The following SLIT3 variants were observed in gnomAD, a reference collection of about 807,000 sequenced individuals.
SLIT3 encodes slit homolog 3 protein.
Under a neutral mutation model 184.0 loss-of-function variants are expected in SLIT3, and 68 were observed. That is an observed-to-expected ratio of 0.37 (90% CI 0.30 to 0.45). The LOEUF is 0.45. Among genes scored for constraint, SLIT3 ranks in the 20% least tolerant of loss-of-function variants. The pLI, the probability that SLIT3 is intolerant of heterozygous loss-of-function variation, is 1.00. For synonymous variants in SLIT3, 831 were observed against 828.6 expected (o/e 1.00, Z -0.05); for missense variants, 1,707 against 2,026.0 (o/e 0.84, Z 3.02).
intron 4 of SLIT3, among the ~76,000 whole-genome samples, chr5:168,931,124 G>C (rs1443645518): frequency 6.6e-6 from 1 of 152,188 alleles, no homozygotes; most frequent in Non-Finnish European, 1.5e-5. Flanking sequence ...TATTGGTATA[G>C]CCCATGATTT....
intron 3 of SLIT3, among the ~76,000 whole-genome samples, chr5:169,240,425 A>G (rs2338504): frequency 0.065 from 9,926 of 151,730 alleles, 401 homozygotes; most frequent in Middle Eastern, 0.12. Flanking sequence ...TTTTAGACAC[A>G]TACAAATACA....
At chr5:168,929,262 T>C (rs1243705305) in intron 4 of SLIT3, among the ~76,000 whole-genome samples, 1 of 152,180 alleles carries the variant, frequency 6.6e-6, no homozygotes, top group Non-Finnish European at 1.5e-5. Flanking sequence ...TAATGTTCCA[T>C]AATAATATTA....
At chr5:169,233,255 C>T (rs1765071305) in intron 3 of SLIT3, among the ~76,000 whole-genome samples, 1 of 152,166 alleles carries the variant, frequency 6.6e-6, no homozygotes, top group South Asian at 2.1e-4. Context: ...GATCTCCAGA[C>T]CTCGTGATCT....
At chr5:169,282,419 C>T (rs1369663365) in intron 1 of SLIT3, among the ~76,000 whole-genome samples, 2 of 152,112 alleles carry the variant, frequency 1.3e-5, no homozygotes, top group Admixed American at 1.3e-4. Context: ...TGGTCCAGGT[C>T]CCTCAGGAAG....
At chr5:168,680,104 G>T (rs533880745) in intron 32 of SLIT3, among the ~76,000 whole-genome samples, 1 of 152,346 alleles carries the variant, frequency 6.6e-6, no homozygotes, top group Admixed American at 6.5e-5. Context: ...TGGAGCTGAG[G>T]TCAGCCACTC....
intron 3 of SLIT3, among the ~76,000 whole-genome samples, chr5:169,201,685 T>C (rs1763907449): frequency 6.6e-6 from 1 of 152,216 alleles, no homozygotes. Context: ...TTGTTCCATA[T>C]GGTATGATAC....
chr5:168,899,636 T>C (rs553324927), intron 4 of SLIT3, among the ~76,000 whole-genome samples: 29 of 152,244 alleles, frequency 1.9e-4, no homozygotes, highest in Non-Finnish European at 3.5e-4. Context: ...CATTGCCATG[T>C]AGGTTCAGAG....
At chr5:169,213,616 A>C (rs1290115929) in intron 3 of SLIT3, among the ~76,000 whole-genome samples, 1 of 151,580 alleles carries the variant, frequency 6.6e-6, no homozygotes, top group Non-Finnish European at 1.5e-5. Context: ...TAAAACTGCA[A>C]CTCCATTCCT....
intron 33 of SLIT3, 112 bp downstream of exon 33, chr5:168,673,065 G>A: frequency 4.0e-6 from 4 of 993,392 alleles, no homozygotes; most frequent in Non-Finnish European, 1.5e-6. Context: ...CAGCTTCGTT[G>A]TCCCTTCCTC....
At chr5:168,938,534 T>C (rs549384507) in intron 4 of SLIT3, among the ~76,000 whole-genome samples, 44 of 152,244 alleles carry the variant, frequency 2.9e-4, no homozygotes, top group Non-Finnish European at 5.4e-4. Flanking sequence ...TACATGGGTA[T>C]TGTGATTTTT....
intron 18 of SLIT3, among the ~76,000 whole-genome samples, chr5:168,752,251 A>T (rs7706177): frequency 0.59 from 89,753 of 151,852 alleles, 27,342 homozygotes; most frequent in African/African-American, 0.74. Flanking sequence ...TCCCACATAT[A>T]TGCTCTGTTG....
At chr5:168,878,840 G>A (rs559392510) in intron 5 of SLIT3, among the ~76,000 whole-genome samples, 53 of 151,586 alleles carry the variant, frequency 3.5e-4, no homozygotes, top group African/African-American at 1.2e-3. Context: ...TCAGTCTCCC[G>A]AGTAGCTGGG....
At chr5:169,288,083 CT>C (rs1767219401) in intron 1 of SLIT3, among the ~76,000 whole-genome samples, 1 of 152,174 alleles carries the variant, frequency 6.6e-6, no homozygotes, top group Non-Finnish European at 1.5e-5. Flanking sequence ...GATATTACCA[CT>C]CAGGGAAACA....
chr5:168,890,826 A>T (rs190503729), intron 4 of SLIT3, among the ~76,000 whole-genome samples: 2 of 152,228 alleles, frequency 1.3e-5, no homozygotes, highest in African/African-American at 4.8e-5. Flanking sequence ...AAGCATGCAG[A>T]TTCCTGGGGT....
chr5:169,212,307 C>T (rs532989864), intron 3 of SLIT3, among the ~76,000 whole-genome samples: 51 of 152,302 alleles, frequency 3.3e-4, no homozygotes, highest in African/African-American at 1.2e-3. Flanking sequence ...TTAATGATCA[C>T]CATTCTAACT....
chr5:168,671,613 C>T (rs937345074), intron 33 of SLIT3, 130 bp from the exon 34 acceptor site: 17 of 1,035,600 alleles, frequency 1.6e-5, no homozygotes, highest in East Asian at 7.9e-5. Context: ...ACGAGGTTAA[C>T]GGGCCAAAAC....
At chr5:168,758,707 C>T (rs995729547) in intron 16 of SLIT3, among the ~76,000 whole-genome samples, 4 of 152,160 alleles carry the variant, frequency 2.6e-5, no homozygotes, top group Admixed American at 6.5e-5. Flanking sequence ...GGGAGGAAAG[C>T]GATCTGAGTA....
intron 16 of SLIT3, among the ~76,000 whole-genome samples, chr5:168,755,731 T>C (rs919419813): frequency 9.2e-5 from 14 of 152,180 alleles, no homozygotes; most frequent in Admixed American, 6.5e-5. Flanking sequence ...CCGCCATGCC[T>C]GGCTGGTGCT....
intron 4 of SLIT3, among the ~76,000 whole-genome samples, chr5:168,988,460 G>A (rs1293368103): frequency 1.3e-5 from 2 of 152,144 alleles, no homozygotes; most frequent in African/African-American, 4.8e-5. Context: ...TGGCAGGGAA[G>A]GACCCAGATC....
Sources: allele counts gnomAD v4.1 joint callset (sites outside exome capture counted in the v4.1 genomes callset), GRCh38; gene constraint gnomAD v4.1.1; transcripts MANE v1.5; gene names NCBI Gene and HGNC (gene_info 2026-07-23, HGNC 2026-07-21).